The following PCTP variants were observed in gnomAD, a reference collection of about 807,000 sequenced individuals.
The protein encoded by PCTP is START domain-containing protein 2.
Under a neutral mutation model 31.0 loss-of-function variants are expected in PCTP, and 27 were observed. That is an observed-to-expected ratio of 0.87 (90% confidence interval 0.64 to 1.20). PCTP has a LOEUF of 1.20. Ranked by LOEUF, PCTP falls within the 50% of genes most tolerant of loss-of-function variation. The pLI is 0.00. For synonymous variants in PCTP, 108 were observed against 101.2 expected, an observed-to-expected ratio of 1.07 and a Z score of -0.40; for missense variants, 287 against 268.2, an observed-to-expected ratio of 1.07 and a Z score of -0.49.
chr17:55,835,629 A>C (rs1381571239), intron 5 of PCTP, among the ~76,000 whole-genome samples: 2 of 152,200 alleles, frequency 1.3e-5, no homozygotes, highest in African/African-American at 4.8e-5. Context: ...CACTTCAAGA[A>C]GAGTTGGTGA....
At chr17:55,819,093 A>G (rs1331007171) in intron 3 of PCTP, among the ~76,000 whole-genome samples, 1 of 151,548 alleles carries the variant, frequency 6.6e-6, no homozygotes, top group Non-Finnish European at 1.5e-5. Context: ...ATTGTTGTTT[A>G]ATAACAGCGA....
At chr17:55,827,478 T>C (rs1905437366), downstream of PCTP, among the ~76,000 whole-genome samples, 1 of 152,232 alleles carries the variant, frequency 6.6e-6, no homozygotes, top group Non-Finnish European at 1.5e-5. Flanking sequence ...GCATGGTGTG[T>C]TTTAATACTT....
intron 2 of PCTP, chr17:55,770,810 G>C: frequency 4.3e-6 from 1 of 233,928 alleles, no homozygotes; most frequent in Non-Finnish European, 8.3e-6. Context: ...GCCTTGACCT[G>C]CTAGGCTTGG....
At chr17:55,770,214 T>C (rs919844624) in intron 2 of PCTP, 1 of 152,172 alleles carries the variant, frequency 6.6e-6, no homozygotes, top group Non-Finnish European at 1.5e-5. Flanking sequence ...TTAGGGAAAT[T>C]TGGTCACCCT....
Position 55,777,111 on chromosome 17 carries a change from A to G in PCTP, c.*1011A>G. On this transcript the variant is annotated 3_prime_UTR_variant, in exon 6 of 6. Coordinates refer to ENST00000268896, the MANE Select transcript of PCTP (RefSeq NM_021213.4). ...TCTGCCTAAGTTGTCTGCCTTTTCT[A>G]CCACCAAAAAGACTTTTAGTTTTCT... 4.1e-6 allele frequency: 4 copies of G among 985,852 alleles called. No homozygotes were observed. The highest frequency in any genetic ancestry group is 4.8e-6 in the Non-Finnish European group (4 of 829,926). The allele number at this position is 985,852 out of a possible 1,614,324, so 61.1% of individuals were successfully genotyped here.
chr17:55,751,855 T>C (rs2960079), intron 1 of PCTP, among the ~76,000 whole-genome samples: 125,453 of 152,176 alleles, frequency 0.82, 55,251 homozygotes, highest in Non-Finnish European at 0.98. Context: ...GTCTTTGGAA[T>C]CAGGTAGCCA....
rs1251972456 is a variant in PCTP at position 55,776,391 on chromosome 17, A to G, written c.*291A>G. ...GTTCAATATGGGGCAGACTAGGGAA[A>G]CCTTTGCTTGCTTACTATTAGGAGG... On this transcript the variant is annotated 3_prime_UTR_variant, in exon 6 of 6. Coordinates refer to ENST00000268896, the MANE Select transcript of PCTP (RefSeq NM_021213.4). 4 of 1,258,266 alleles carry G rather than the reference A, an allele frequency of 3.2e-6. No individual in the cohort carries two copies. Among genetic ancestry groups the G allele is most frequent in the African/African-American group, 1.5e-5 (1 of 65,154 alleles). The allele number at this position is 1,258,266 out of a possible 1,614,324, so 77.9% of individuals were successfully genotyped here.
chr17:55,830,233 C>T (rs1240330584), intron 5 of PCTP, among the ~76,000 whole-genome samples: 2 of 152,040 alleles, frequency 1.3e-5, no homozygotes, highest in Non-Finnish European at 2.9e-5. Context: ...GACTGTGCTG[C>T]GGGGTAGGGG....
intron 3 of PCTP, among the ~76,000 whole-genome samples, chr17:55,789,481 G>T (rs954301600): frequency 2.6e-5 from 4 of 152,134 alleles, no homozygotes; most frequent in Non-Finnish European, 5.9e-5. Context: ...TTCCTGTCTT[G>T]ATTTAGTAGG....
chr17:55,780,378 T>G (rs1236913414), downstream of PCTP, among the ~76,000 whole-genome samples: 2 of 152,120 alleles, frequency 1.3e-5, no homozygotes, highest in African/African-American at 4.8e-5. Flanking sequence ...GGCAGTGGAG[T>G]ACATAAAGGT....
At chr17:55,837,418 C>G (rs1208392305) in intron 5 of PCTP, among the ~76,000 whole-genome samples, 1 of 152,120 alleles carries the variant, frequency 6.6e-6, no homozygotes, top group Admixed American at 6.5e-5. Flanking sequence ...TCTTGGGTAC[C>G]TATAATGGTA....
At chr17:55,774,749 G>T in intron 4 of PCTP, 43 bp from the exon 5 acceptor site, 1 of 1,482,192 alleles carries the variant, frequency 6.7e-7, no homozygotes, top group African/African-American at 1.4e-5. Flanking sequence ...TATTTTTCTG[G>T]TATTTTTCCT....
intron 5 of PCTP, among the ~76,000 whole-genome samples, chr17:55,839,321 C>A (rs1006803382): frequency 6.6e-6 from 1 of 152,126 alleles, no homozygotes; most frequent in Non-Finnish European, 1.5e-5. Flanking sequence ...GCCAGGATTC[C>A]AACTACTTTC....
At chr17:55,791,874 T>C (rs1911996141) in intron 3 of PCTP, among the ~76,000 whole-genome samples, 2 of 151,964 alleles carry the variant, frequency 1.3e-5, no homozygotes, top group African/African-American at 4.8e-5. Context: ...TATTGTGGCA[T>C]TATTCACAAT....
chr17:55,780,183 G>T (rs904626316), downstream of PCTP, among the ~76,000 whole-genome samples: 1 of 151,686 alleles, frequency 6.6e-6, no homozygotes, highest in African/African-American at 2.4e-5. Flanking sequence ...GAGGACTTCA[G>T]AAAAATTATT....
At chr17:55,825,682 G>A (rs1476954688), downstream of PCTP, among the ~76,000 whole-genome samples, 1 of 152,148 alleles carries the variant, frequency 6.6e-6, no homozygotes, top group African/African-American at 2.4e-5. Flanking sequence ...AATCTTCCTT[G>A]CAACAATGAA....
At chr17:55,821,028 A>G (rs760654426) in intron 3 of PCTP, among the ~76,000 whole-genome samples, 2 of 152,256 alleles carry the variant, frequency 1.3e-5, no homozygotes, top group Non-Finnish European at 2.9e-5. Flanking sequence ...TTTGACTTTG[A>G]AATTCTACTC....
At chr17:55,805,886 A>ATG (rs58345619) in intron 3 of PCTP, among the ~76,000 whole-genome samples, 1,611 of 142,776 alleles carry the variant, frequency 0.011, 15 homozygotes, top group South Asian at 0.028. Flanking sequence ...CTCAATCTGT[A>ATG]TGTGTGTGTG....
At chr17:55,766,412 TC>T (rs1910657581) in intron 1 of PCTP, among the ~76,000 whole-genome samples, 2 of 80,994 alleles carry the variant, frequency 2.5e-5, no homozygotes, top group African/African-American at 5.8e-5. Flanking sequence ...CCCTCCCCCC[TC>T]CCCCCACCCC....
Sources: allele counts gnomAD v4.1 joint callset (sites outside exome capture counted in the v4.1 genomes callset), GRCh38; gene constraint gnomAD v4.1.1; transcripts MANE v1.5; gene names NCBI Gene and HGNC (gene_info 2026-07-23, HGNC 2026-07-21).